Variants in PANK4 observed in about 807,000 individuals in gnomAD.
PANK4 encodes pantothenate kinase 4 (inactive).
In PANK4, 40 loss-of-function variants were observed where a neutral mutation model predicts 87.9. The ratio of observed to expected loss-of-function variants is 0.46; its 90% CI spans 0.35 to 0.59. The LOEUF (loss-of-function observed/expected upper bound fraction) is 0.59, where lower values mean the gene tolerates loss of function less well. Ranked by LOEUF, PANK4 falls within the 20% of genes least tolerant of loss-of-function variation. The pLI is 0.00. For synonymous variants in PANK4, 524 were observed against 467.4 expected (o/e 1.12, Z -1.56); for missense variants, 926 against 1,072.3 (o/e 0.86, Z 1.90).
chr1:2,511,509 C>G, intron 14 of PANK4, 119 bp downstream of exon 14: 1 of 1,096,848 alleles, frequency 9.1e-7, no homozygotes, highest in East Asian at 2.4e-5. Flanking sequence ...GCCCAGCTGA[C>G]AGAGCCTTGA....
chr1:2,510,669 AACACTCACCT>A lies in PANK4; in HGVS notation c.1937_1938+8del. ...GGGGAAGGGCCCCACCCACCACCTCAACACTCACCTCTGTCCCTCTAAGGAGTAGCTCCCT... is the reference window on the plus strand; with the variant it reads ...GGGGAAGGGCCCCACCCACCACCTCACTGTCCCTCTAAGGAGTAGCTCCCT... On this transcript the variant is annotated splice_donor_variant and splice_donor_5th_base_variant and coding_sequence_variant and intron_variant, in exon 16 of 19. Coordinates refer to ENST00000378466, the MANE Select transcript of PANK4 (RefSeq NM_018216.4). LOFTEE classifies it high-confidence loss of function. This position sits in a 1 kb window ranked among gnomAD's most constrained non-coding sequence, Gnocchi z 4.9. The A allele has an allele frequency of 6.5e-7, 1 of 1,528,606 alleles. No homozygotes were observed. The highest frequency in any genetic ancestry group is 1.1e-5 in the South Asian group (1 of 89,390). The allele number at this position is 1,528,606 out of a possible 1,614,324, so 94.7% of individuals were successfully genotyped here. A position where few individuals can be genotyped will look rare whatever the true frequency, so the allele number is the denominator to read the frequency against.
intron 10 of PANK4, among the ~76,000 whole-genome samples, chr1:2,514,966 G>A (rs1190607004): frequency 1.3e-5 from 2 of 152,066 alleles, no homozygotes; most frequent in East Asian, 3.9e-4. Flanking sequence ...AGCTCACTCC[G>A]GGTCCTGGGC....
chr1:2,517,450 T>A (rs2100783144), intron 9 of PANK4, among the ~76,000 whole-genome samples: 1 of 152,344 alleles, frequency 6.6e-6, no homozygotes, highest in African/African-American at 2.4e-5. Context: ...GTGCGTGACC[T>A]CAGGTTAACT....
rs1333837371 is a variant in PANK4 at position 2,515,023 on chromosome 1, T to C, written c.1374+539A>G. The stretch of plus-strand genomic sequence containing the variant: ...GGACAAACCCTGGCACGACCCGGCC[T>C]CTCCGAGGGCTTCGTGAAGAGTGCG... On this transcript the variant is annotated intron_variant, in intron 10 of 18. Transcript: ENST00000378466. The surrounding 1 kb of genome is among the most constrained non-coding windows in gnomAD (Gnocchi z 5.0). Among the ~76,000 whole-genome samples the C allele has an allele frequency of 6.6e-6, 1 of 152,144 alleles. No homozygotes were observed. Among genetic ancestry groups the C allele is most frequent in the Non-Finnish European group, 1.5e-5 (1 of 68,024 alleles).
chr1:2,518,096 G>A (rs1178652085), intron 9 of PANK4, 68 bp downstream of exon 9: 7 of 938,464 alleles, frequency 7.5e-6, no homozygotes, highest in Non-Finnish European at 1.6e-6. Context: ...TTCGCTCAGG[G>A]ACAGGCGAGG....
chr1:2,510,385 ACCTG>A lies in PANK4; in HGVS notation c.1939-232_1939-229del. ...GCTGAGTTTAGAGCCTGCCCCTGGG[ACCTG>A]CCTGTCTGTGAAGTCACAGCCCCAA... On this transcript the variant is annotated intron_variant, in intron 16 of 18. Coordinates refer to ENST00000378466, the MANE Select transcript of PANK4 (RefSeq NM_018216.4). The surrounding 1 kb of genome is among the most constrained non-coding windows in gnomAD (Gnocchi z 4.9). 1 of 561,356 alleles carries A rather than the reference ACCTG, an allele frequency of 1.8e-6. No individual in the cohort carries two copies. Among genetic ancestry groups the A allele is most frequent in the Non-Finnish European group, 3.1e-6 (1 of 326,636 alleles). The allele number at this position is 561,356 out of a possible 1,614,324, so 34.8% of individuals were successfully genotyped here.
rs377041269 is a variant in PANK4 at position 2,521,851 on chromosome 1, G to A, written c.125-51C>T. 5.0e-6 allele frequency: 7 copies of A among 1,412,118 alleles called. No individual in the cohort carries two copies. The African/African-American group carries it at 9.9e-5, about 20-fold the overall frequency. The allele number at this position is 1,412,118 out of a possible 1,614,324, so 87.5% of individuals were successfully genotyped here. ...GGATTCAGGACCAGGACACAGCGGGGCCTGGGGGTCCATGCCCCACACTCT... is the reference window on the plus strand; with the variant it reads ...GGATTCAGGACCAGGACACAGCGGGACCTGGGGGTCCATGCCCCACACTCT... On this transcript the variant is annotated intron_variant, in intron 1 of 18. Coordinates refer to ENST00000378466, the MANE Select transcript of PANK4 (RefSeq NM_018216.4).
At chr1:2,526,015 G>A (rs930983675) in intron 1 of PANK4, 3 of 152,278 alleles carry the variant, frequency 2.0e-5, no homozygotes, top group Admixed American at 2.0e-4. Flanking sequence ...TTCCCGCCGA[G>A]CTCGTCCTCG....
In PANK4 at chr1:2,515,646, G is replaced by A; in HGVS notation, c.1290C>T (p.Ser430=). 1.2e-6 allele frequency: 2 copies of A among 1,613,274 alleles called. No individual in the cohort carries two copies. The highest frequency in any genetic ancestry group is 1.7e-4 in the Middle Eastern group (1 of 6,058). The change falls in exon 10 of 19, where the codon TCC becomes TCT. Residue 430 remains serine, a synonymous_variant. Transcript: ENST00000378466. The surrounding 1 kb of genome is among the most constrained non-coding windows in gnomAD (Gnocchi z 5.0). ...TGAGGTCCACCGTGTCGGGCACGTA[G>A]GAGGGCGGGTCCAGGAGGAGCGGCA... is the stretch of plus-strand genomic sequence containing the variant. ...VDLPLLLDPP[S]YVPDTVDLTD...
chr1:2,518,422 C>A, intron 8 of PANK4, 94 bp downstream of exon 8: 1 of 1,143,578 alleles, frequency 8.7e-7, no homozygotes, highest in Non-Finnish European at 1.3e-6. Flanking sequence ...CGCTCCCCAC[C>A]CCACCTCCAC....
chr1:2,520,643 C>T lies in PANK4; in HGVS notation c.606+80G>A. 7.2e-7 allele frequency: 1 copy of T among 1,393,126 alleles called. No individual in the cohort carries two copies. The highest frequency in any genetic ancestry group is 1.0e-6 in the Non-Finnish European group (1 of 999,008). 86.3% of individuals were successfully genotyped at this position (1,393,126 alleles called of 1,614,324 possible). A position where few individuals can be genotyped will look rare whatever the true frequency, so the allele number is the denominator to read the frequency against. On this transcript the variant is annotated intron_variant, in intron 4 of 18. Coordinates refer to ENST00000378466, the MANE Select transcript of PANK4 (RefSeq NM_018216.4). This position sits in a 1 kb window ranked among gnomAD's most constrained non-coding sequence, Gnocchi z 6.2. ...CACTGGGCCCCATCCATGTGCCCAG[C>T]CCTGGCTCCTGCACACAGCGAGGGC...
At chr1:2,517,294 C>A (rs1431299001) in intron 9 of PANK4, among the ~76,000 whole-genome samples, 1 of 152,256 alleles carries the variant, frequency 6.6e-6, no homozygotes, top group East Asian at 1.9e-4. Flanking sequence ...GCAGGACCCA[C>A]ACAAAAGGGA....
chr1:2,508,787 T>G lies in PANK4; in HGVS notation c.*60A>C. 9.9e-7 allele frequency: 1 copy of G among 1,011,896 alleles called. No individual in the cohort carries two copies. The highest frequency in any genetic ancestry group is 2.0e-5 in the Admixed American group (1 of 49,850). The allele number at this position is 1,011,896 out of a possible 1,614,324, so 62.7% of individuals were successfully genotyped here. On this transcript the variant is annotated 3_prime_UTR_variant, in exon 19 of 19. Transcript: ENST00000378466. The surrounding 1 kb of genome is among the most constrained non-coding windows in gnomAD (Gnocchi z 5.1). ...CGTTGATTTGAACGCAGTTTCCCTG[T>G]GGTGGTAAAAACACATTCCTGACAA...
chr1:2,515,485 G>A lies in PANK4; in HGVS notation c.1374+77C>T. On this transcript the variant is annotated intron_variant, in intron 10 of 18. Coordinates refer to ENST00000378466, the MANE Select transcript of PANK4 (RefSeq NM_018216.4). This position sits in a 1 kb window ranked among gnomAD's most constrained non-coding sequence, Gnocchi z 5.0. ...CTGGCCTGTCCCCCTTCGCCACCTTGGCTTTGCCCCCGGAGCCTTGGAAGG... is the reference window on the plus strand; with the variant it reads ...CTGGCCTGTCCCCCTTCGCCACCTTAGCTTTGCCCCCGGAGCCTTGGAAGG... 6.7e-7 allele frequency: 1 copy of A among 1,496,322 alleles called. No individual in the cohort carries two copies. The highest frequency in any genetic ancestry group is 9.3e-7 in the Non-Finnish European group (1 of 1,076,110). The allele number at this position is 1,496,322 out of a possible 1,614,324, so 92.7% of individuals were successfully genotyped here.
At position 2,521,142 on chromosome 1, in the gene PANK4, G is replaced by A; in HGVS notation, c.381C>T (p.Ala127=). 1 of 1,613,844 alleles carries A rather than the reference G, an allele frequency of 6.2e-7. No homozygotes were observed. The highest frequency in any genetic ancestry group is 8.5e-7 in the Non-Finnish European group (1 of 1,179,968). The change falls in exon 3 of 19, where the codon GCC becomes GCT. Residue 127 remains alanine (A), a synonymous_variant. Transcript: ENST00000378466. ...TKVIQATGGG[A]YKFKDLIEEK... ...CTTCGATGAGGTCTTTGAACTTGTA[G>A]GCCCCGCCCCCGGTCGCCTGGATGA...
chr1:2,521,844 C>T (rs1391633082), intron 1 of PANK4, 44 bp from the exon 2 acceptor site: 1 of 1,500,350 alleles, frequency 6.7e-7, no homozygotes, highest in Admixed American at 1.7e-5. Flanking sequence ...GACCAGGACA[C>T]AGCGGGGCCT....
At position 2,522,536 on chromosome 1, in the gene PANK4, A is replaced by C. The variant is rs140775922; in HGVS notation, c.125-736T>G. Among the ~76,000 whole-genome samples the C allele has an allele frequency of 3.0e-3, 455 of 152,360 alleles. 3 individuals carry two copies. The highest frequency in any genetic ancestry group is 0.011 in the African/African-American group (443 of 41,590). On this transcript the variant is annotated intron_variant, in intron 1 of 18. Coordinates refer to ENST00000378466, the MANE Select transcript of PANK4 (RefSeq NM_018216.4). ...CTGAACCAGATTTCAGGGAAAAGTG[A>C]AAAGATTCTTGAAGAAGGCCTTTTC...
Position 2,519,181 on chromosome 1 carries a change from T to C in PANK4, c.997A>G (p.Met333Val). The C allele has an allele frequency of 6.2e-7, 1 of 1,612,718 alleles. No individual in the cohort carries two copies. The highest frequency in any genetic ancestry group is 8.5e-7 in the Non-Finnish European group (1 of 1,179,922). Residue 333 changes from methionine (M) to valine (V), a missense_variant, in exon 7 of 19, where the codon ATG (methionine) becomes GTG (valine). Physicochemically the swap from Met to Val is conservative, Grantham distance 21. Coordinates refer to ENST00000378466, the MANE Select transcript of PANK4 (RefSeq NM_018216.4). This position sits in a 1 kb window ranked among gnomAD's most constrained non-coding sequence, Gnocchi z 8.3. Reference protein sequence around the residue: ...GFFIRGHPVTMRTITYSINFF... With the variant: ...GFFIRGHPVTVRTITYSINFF... ...TTGATGCTATAGGTGATGGTGCGCA[T>C]GGTCACGGGGTGGCCCCGGATAAAG...
At chr1:2,526,207 G>C (rs952589213) in intron 1 of PANK4, 2 of 153,066 alleles carry the variant, frequency 1.3e-5, no homozygotes, top group Admixed American at 1.3e-4. Context: ...TACCAGGCCC[G>C]GCAGGCCCCG....
Sources: gnomAD v4.1 joint callset for allele counts (sites outside exome capture counted in the v4.1 genomes callset) on GRCh38, gnomAD v4.1.1 for gene constraint, Gnocchi (gnomAD v3.1) non-coding constraint, MANE v1.5 for transcripts, NCBI Gene and HGNC (gene_info 2026-07-23, HGNC 2026-07-21) for gene names.